Variants in KLRG1 observed in about 807,000 individuals in gnomAD.
The protein encoded by KLRG1 is killer cell lectin like receptor G1, also known as killer cell lectin-like receptor subfamily G member 1.
Under a neutral mutation model 21.8 loss-of-function variants are expected in KLRG1, and 16 were observed. The ratio of observed to expected loss-of-function variants is 0.73; its 90% CI spans 0.50 to 1.11. The LOEUF (loss-of-function observed/expected upper bound fraction) is 1.11. Among genes scored for constraint, KLRG1 ranks in the 50% most tolerant of loss-of-function variants. The pLI is 0.00. For missense variants in KLRG1, 173 were observed against 218.3 expected, an observed-to-expected ratio of 0.79 and a Z score of 1.31; for synonymous variants, 69 against 75.9, an observed-to-expected ratio of 0.91 and a Z score of 0.47.
intron 1 of KLRG1, among the ~76,000 whole-genome samples, chr12:8,981,654 T>C (rs143443457): frequency 2.1e-4 from 32 of 152,276 alleles, no homozygotes; most frequent in African/African-American, 7.2e-4. Context: ...TGGCTGAGTA[T>C]GTAATATATC....
chr12:8,992,391 CA>C (rs1222050539), intron 2 of KLRG1, 81 bp downstream of exon 2: 17 of 1,011,588 alleles, frequency 1.7e-5, no homozygotes, highest in Non-Finnish European at 2.5e-5. Context: ...TTTGAAAAAT[CA>C]AAAAATAATT....
chr12:9,034,014 G>A, the KLRG1 span, among the ~76,000 whole-genome samples: 22 of 152,172 alleles, frequency 1.4e-4, no homozygotes, highest in African/African-American at 5.1e-4. Flanking sequence ...ATTCCTCAGG[G>A]ATGTATCTCT....
chr12:9,134,205 T>C, the KLRG1 span, among the ~76,000 whole-genome samples: 3,359 of 152,254 alleles, frequency 0.022, 160 homozygotes, highest in East Asian at 0.15. Context: ...ACAGAACCCA[T>C]GGTGTTGTGG....
intron 1 of KLRG1, among the ~76,000 whole-genome samples, chr12:8,979,270 A>G (rs12824140): frequency 0.38 from 57,323 of 151,834 alleles, 11,495 homozygotes; most frequent in South Asian, 0.44. Flanking sequence ...CATCTGCCTC[A>G]GTCTCCCAAA....
intron 1 of KLRG1, among the ~76,000 whole-genome samples, chr12:8,991,325 A>G (rs904038850): frequency 1.3e-5 from 2 of 152,192 alleles, no homozygotes; most frequent in South Asian, 2.1e-4. Flanking sequence ...GTAGTGTCCT[A>G]TTCTTAAACT....
chr12:9,072,709 C>T, the KLRG1 span: 1 of 1,614,190 alleles, frequency 6.2e-7, no homozygotes. Context: ...CCAGGCAGCT[C>T]TGGCAATGAG....
At chr12:8,999,366 C>T (rs1947237993) in intron 3 of KLRG1, among the ~76,000 whole-genome samples, 1 of 152,154 alleles carries the variant, frequency 6.6e-6, no homozygotes, top group African/African-American at 2.4e-5. Context: ...TCTGATGCTC[C>T]TTGCCCTATA....
chr12:9,140,467 C>T, the KLRG1 span, among the ~76,000 whole-genome samples: 6 of 152,254 alleles, frequency 3.9e-5, no homozygotes, highest in East Asian at 3.9e-4. Context: ...GAAAGGGCCA[C>T]GTGTTATTTT....
chr12:9,071,947 A>G, the KLRG1 span, among the ~76,000 whole-genome samples: 2 of 152,226 alleles, frequency 1.3e-5, no homozygotes, highest in African/African-American at 4.8e-5. Flanking sequence ...AATTAATTAT[A>G]TCATATATAA....
At chr12:9,208,347 G>A in the KLRG1 span, 1 of 1,610,692 alleles carries the variant, frequency 6.2e-7, no homozygotes, top group South Asian at 1.1e-5. Context: ...CGCATTGTGA[G>A]GGATAAATCT....
the KLRG1 span, among the ~76,000 whole-genome samples, chr12:9,188,019 T>C: frequency 6.6e-6 from 1 of 152,164 alleles, no homozygotes; most frequent in Non-Finnish European, 1.5e-5. Context: ...GGGACTCACA[T>C]AAAAAATAGT....
At chr12:9,079,192 T>C in the KLRG1 span, 2 of 1,401,794 alleles carry the variant, frequency 1.4e-6, no homozygotes, top group South Asian at 1.2e-5. Context: ...AGGTAATACA[T>C]GTAAAAGAGC....
the KLRG1 span, chr12:9,067,774 G>C: frequency 1.9e-6 from 3 of 1,590,094 alleles, no homozygotes; most frequent in Non-Finnish European, 2.6e-6. Flanking sequence ...GTCTTCTGTG[G>C]AGCTCTGAGA....
chr12:9,106,312 A>AT, the KLRG1 span: 1 of 1,612,956 alleles, frequency 6.2e-7, no homozygotes, highest in Non-Finnish European at 8.5e-7. Flanking sequence ...GGTTCTTGTG[A>AT]TTTCACTGGA....
At chr12:9,157,646 T>C in the KLRG1 span, 1 of 885,580 alleles carries the variant, frequency 1.1e-6, no homozygotes, top group South Asian at 1.6e-5. Context: ...AGCTTATCAG[T>C]CTGAGAAATC....
chr12:8,994,022 C>T (rs369617267), intron 2 of KLRG1, among the ~76,000 whole-genome samples: 1 of 152,100 alleles, frequency 6.6e-6, no homozygotes, highest in East Asian at 1.9e-4. Flanking sequence ...ATTTTGGAAT[C>T]TTGGTTGGAA....
At chr12:9,186,170 G>A in the KLRG1 span, among the ~76,000 whole-genome samples, 1 of 152,118 alleles carries the variant, frequency 6.6e-6, no homozygotes, top group Non-Finnish European at 1.5e-5. Flanking sequence ...AACTTCATAA[G>A]TGAAGGAGAA....
chr12:9,032,448 G>C, the KLRG1 span, among the ~76,000 whole-genome samples: 1 of 152,096 alleles, frequency 6.6e-6, no homozygotes, highest in African/African-American at 2.4e-5. Context: ...AGATGTCTTC[G>C]GTGATTCCTC....
At chr12:9,204,043 G>A in the KLRG1 span, 2 of 1,235,408 alleles carry the variant, frequency 1.6e-6, no homozygotes, top group Non-Finnish European at 2.3e-6. Flanking sequence ...TGTATTAATT[G>A]GTGCAATCAG....
Sources: gnomAD v4.1 joint callset for allele counts (sites outside exome capture counted in the v4.1 genomes callset) on GRCh38, gnomAD v4.1.1 for gene constraint, MANE v1.5 for transcripts, NCBI Gene and HGNC (gene_info 2026-07-23, HGNC 2026-07-21) for gene names.